EVI5L: variants seen among roughly 807,000 people sequenced by gnomAD.
The protein encoded by EVI5L is EVI5-like protein.
In EVI5L, 30 loss-of-function variants were observed where a neutral mutation model predicts 106.1. The ratio of observed to expected loss-of-function variants is 0.28; its 90% confidence interval spans 0.21 to 0.38. The LOEUF (loss-of-function observed/expected upper bound fraction) is 0.38, where lower values mean the gene tolerates loss of function less well. Ranked by LOEUF, EVI5L falls within the 10% of genes least tolerant of loss-of-function variation. The pLI, the probability that EVI5L is intolerant of heterozygous loss-of-function variation, is 1.00. For missense variants in EVI5L, 809 were observed against 1,098.0 expected, an observed-to-expected ratio of 0.74 and a Z score of 3.72; for synonymous variants, 489 against 483.3, an observed-to-expected ratio of 1.01 and a Z score of -0.15.
rs1226710581 is a variant in EVI5L, at chr19:7,864,247, T to C, written c.*545T>C. 1.3e-5 allele frequency: 2 copies of C among 152,652 alleles called. No homozygotes were observed. Among genetic ancestry groups the C allele is most frequent in the East Asian group, 3.9e-4 (2 of 5,172 alleles). The allele number at this position is 152,652 out of a possible 1,614,324, so 9.5% of individuals were successfully genotyped here. A position where few individuals can be genotyped will look rare whatever the true frequency, so the allele number is the denominator to read the frequency against. ...GGGGAGTCAGGCCGCTGGGGACAGA[T>C]GGCCAGGCCGGCCTCTCCTGCCTGG... On this transcript the variant is annotated 3_prime_UTR_variant, in exon 20 of 20. Coordinates refer to ENST00000538904, the MANE Select transcript of EVI5L (RefSeq NM_001159944.3). This position sits in a 1 kb window ranked among gnomAD's most constrained non-coding sequence, Gnocchi z 4.5.
rs1978929647 is a variant in EVI5L, at chr19:7,845,939, A to T, written c.-47-557A>T. Among the ~76,000 whole-genome samples, 1 of 152,216 alleles carries T rather than the reference A, an allele frequency of 6.6e-6. No homozygotes were observed. Among genetic ancestry groups the T allele is most frequent in the African/African-American group, 2.4e-5 (1 of 41,452 alleles). On this transcript the variant is annotated intron_variant, in intron 1 of 19. Coordinates refer to ENST00000538904, the MANE Select transcript of EVI5L (RefSeq NM_001159944.3). This position sits in a 1 kb window ranked among gnomAD's most constrained non-coding sequence, Gnocchi z 4.0. ...CCAAGGGGAGTCGACTCTTCTGGCC[A>T]TTGGCAGCGCCAGACAATTAACAGT...
chr19:7,843,138 A>G (rs2146418678), intron 1 of EVI5L, among the ~76,000 whole-genome samples: 1 of 119,320 alleles, frequency 8.4e-6, no homozygotes. Context: ...ATGTGTGTGT[A>G]TAGGTGTGTG....
rs11879626 is a variant in EVI5L, at chr19:7,845,153, C to A, written c.-47-1343C>A. On this transcript the variant is annotated intron_variant, in intron 1 of 19. Coordinates refer to ENST00000538904, the MANE Select transcript of EVI5L (RefSeq NM_001159944.3). The surrounding 1 kb of genome is among the most constrained non-coding windows in gnomAD (Gnocchi z 4.0). ...AGGTCAGGTGGGGTCAAGTGGCACA[C>A]GGCAGACTCCTGCTACAGAGCGTGC... Among the ~76,000 whole-genome samples, 10,786 of 152,170 alleles carry A rather than the reference C, an allele frequency of 0.071. 398 individuals are homozygous for A. The highest frequency in any genetic ancestry group is 0.12 in the Middle Eastern group (36 of 294).
Position 7,863,114 on chromosome 19 carries a change from C to T in EVI5L, c.2043+47C>T. The T allele has an allele frequency of 2.0e-6, 3 of 1,525,176 alleles. No homozygotes were observed. Among genetic ancestry groups the T allele is most frequent in the Non-Finnish European group, 2.6e-6 (3 of 1,136,794 alleles). The allele number at this position is 1,525,176 out of a possible 1,614,324, so 94.5% of individuals were successfully genotyped here. ...GGGGGGCGGGGGCGGGGGCAGGGCC[C>T]GGGGCAGGAGCGGGGCCGGACCCCA... On this transcript the variant is annotated intron_variant, in intron 18 of 19. Transcript: ENST00000538904. The surrounding 1 kb of genome is among the most constrained non-coding windows in gnomAD (Gnocchi z 7.7).
At chr19:7,839,862 C>G (rs900507452) in intron 1 of EVI5L, among the ~76,000 whole-genome samples, 3 of 152,176 alleles carry the variant, frequency 2.0e-5, no homozygotes, top group Non-Finnish European at 4.4e-5. Flanking sequence ...TCTCGCACCA[C>G]TGCACTCCAG....
chr19:7,849,319 C>A lies in EVI5L; in HGVS notation c.616C>A (p.Leu206Ile). The A allele has an allele frequency of 6.2e-7, 1 of 1,614,110 alleles. No homozygotes were observed. The highest frequency in any genetic ancestry group is 8.5e-7 in the Non-Finnish European group (1 of 1,180,032). ...CQGSAFIVGL[L>I]LMQMPEEEAF... is the part of the protein sequence containing the mutation. ...GGGAAGCGCCTTCATCGTGGGCCTGCTCCTCATGCAGGTAGGTGGCTGGGG... is the reference window on the plus strand; with the variant it reads ...GGGAAGCGCCTTCATCGTGGGCCTGATCCTCATGCAGGTAGGTGGCTGGGG... Residue 206 changes from leucine (L) to isoleucine (I), a missense_variant, in exon 5 of 20, where the codon CTC (leucine) becomes ATC (isoleucine). Physicochemically the swap from Leu to Ile is conservative, Grantham distance 5 (BLOSUM62 2). This residue lies in a region of EVI5L where 357 missense variants were observed against 588.1 expected (regional missense o/e 0.61). Transcript: ENST00000538904.
intron 14 of EVI5L, 146 bp from the exon 15 acceptor site, chr19:7,861,732 G>T: frequency 1.9e-6 from 2 of 1,076,628 alleles, no homozygotes; most frequent in East Asian, 2.6e-5. Flanking sequence ...TCCGCTCCCC[G>T]TGGGCCTTGT....
chr19:7,853,371 A>T (rs756078872), intron 10 of EVI5L, 38 bp downstream of exon 10: 3 of 1,588,820 alleles, frequency 1.9e-6, no homozygotes, highest in Non-Finnish European at 2.6e-6. Flanking sequence ...CAGGGATGGG[A>T]GGCCTTTGGG....
intron 1 of EVI5L, among the ~76,000 whole-genome samples, chr19:7,841,655 G>T (rs147698755): frequency 3.9e-5 from 6 of 152,314 alleles, no homozygotes; most frequent in Admixed American, 3.9e-4. Flanking sequence ...CCCTTCAGAT[G>T]GCTGAGGAGC....
In EVI5L at chr19:7,862,140, G is replaced by C. The variant is rs1979832272; in HGVS notation, c.1663G>C (p.Gly555Arg). ...CCCCCAGGCCCATCTGGCCCGCGGC[G>C]GCCGCTGGAAGGAGTCCCCACGGAA... ...DTWQAHLARG[G>R]RWKESPRKLV... The change falls in exon 16 of 20, where the codon GGC (glycine) becomes CGC (arginine). Residue 555 changes from glycine (G) to arginine (R), a missense_variant. Physicochemically the swap from Gly to Arg is moderately radical, Grantham distance 125. Coordinates refer to ENST00000538904, the MANE Select transcript of EVI5L (RefSeq NM_001159944.3). 2 of 1,571,534 alleles carry C rather than the reference G, an allele frequency of 1.3e-6. No individual in the cohort carries two copies. The highest frequency in any genetic ancestry group is 1.9e-5 in the Admixed American group (1 of 53,280).
chr19:7,849,977 C>G lies in EVI5L; in HGVS notation c.628-20C>G, dbSNP rs924785000. On this transcript the variant is annotated intron_variant, in intron 5 of 19. Coordinates refer to ENST00000538904, the MANE Select transcript of EVI5L (RefSeq NM_001159944.3). The stretch of plus-strand genomic sequence containing the variant: ...CCCGCTGCGCTGCCCTGAGCCCCCC[C>G]ACCTGCCCGTCCCCCCTAGATGCCT... 6.4e-6 allele frequency: 10 copies of G among 1,573,314 alleles called. No homozygotes were observed. Among genetic ancestry groups the G allele is most frequent in the South Asian group, 1.2e-5 (1 of 85,930 alleles).
chr19:7,837,651 C>T (rs780372386), intron 1 of EVI5L, among the ~76,000 whole-genome samples: 1 of 152,122 alleles, frequency 6.6e-6, no homozygotes, highest in African/African-American at 2.4e-5. Flanking sequence ...CTCAGACTTT[C>T]CTTGCTTTTC....
intron 1 of EVI5L, among the ~76,000 whole-genome samples, chr19:7,843,288 CAT>C (rs901108914): frequency 2.3e-5 from 2 of 85,784 alleles, no homozygotes; most frequent in East Asian, 3.8e-4. Context: ...GTGTGTGTGT[CAT>C]GTGTGCATGT....
rs1345441781 is a variant in EVI5L at position 7,863,238 on chromosome 19, C to T, written c.2097C>T (p.Tyr699=). The T allele has an allele frequency of 1.8e-5, 28 of 1,562,520 alleles. No individual in the cohort carries two copies. Among genetic ancestry groups the T allele is most frequent in the Non-Finnish European group, 2.3e-5 (27 of 1,153,640 alleles). The change falls in exon 19 of 20, where the codon TAC becomes TAT. Residue 699 remains tyrosine, a synonymous_variant. Transcript: ENST00000538904. The surrounding 1 kb of genome is among the most constrained non-coding windows in gnomAD (Gnocchi z 7.7). ...GQLNHSDSSQ[Y]IRELKDQIEE... ...TGAACCACTCGGACTCATCGCAGTA[C>T]ATCCGCGAGCTCAAGGACCAGATCG...
chr19:7,844,225 C>T (rs533267300), intron 1 of EVI5L, among the ~76,000 whole-genome samples: 220 of 151,324 alleles, frequency 1.5e-3, no homozygotes, highest in Non-Finnish European at 2.6e-3. Context: ...GTGGCACGCA[C>T]CTGTAATCAA....
chr19:7,844,347 A>AG (rs60944183), intron 1 of EVI5L, among the ~76,000 whole-genome samples: 160 of 140,894 alleles, frequency 1.1e-3, no homozygotes, highest in Non-Finnish European at 1.8e-3. Flanking sequence ...AAAAAAAAAA[A>AG]AAAGAAAGAA....
Position 7,863,749 on chromosome 19 carries a change from G to T in EVI5L, c.*47G>T, listed in dbSNP as rs1979980046. The T allele has an allele frequency of 1.4e-6, 2 of 1,425,280 alleles. No homozygotes were observed. Among genetic ancestry groups the T allele is most frequent in the Non-Finnish European group, 9.1e-7 (1 of 1,095,982 alleles). The allele number at this position is 1,425,280 out of a possible 1,614,324, so 88.3% of individuals were successfully genotyped here. A position where few individuals can be genotyped will look rare whatever the true frequency, so the allele number is the denominator to read the frequency against. ...AGTCAGGAGGCCGCAGCCGCGGGGG[G>T]CGCCCGGGCAGTCCGCGTTCTGCTC... On this transcript the variant is annotated 3_prime_UTR_variant, in exon 20 of 20. Transcript: ENST00000538904. This position sits in a 1 kb window ranked among gnomAD's most constrained non-coding sequence, Gnocchi z 7.7.
At chr19:7,841,915 C>G (rs1178629600) in intron 1 of EVI5L, among the ~76,000 whole-genome samples, 1 of 152,194 alleles carries the variant, frequency 6.6e-6, no homozygotes, top group Non-Finnish European at 1.5e-5. Flanking sequence ...TGCAGGGTCG[C>G]CCACAGAATC....
At position 7,862,116 on chromosome 19, in the gene EVI5L, C is replaced by T; in HGVS notation, c.1645-6C>T. 1.3e-6 allele frequency: 2 copies of T among 1,563,982 alleles called. No individual in the cohort carries two copies. The highest frequency in any genetic ancestry group is 2.3e-5 in the East Asian group (1 of 42,920). On this transcript the variant is annotated splice_polypyrimidine_tract_variant and splice_region_variant and intron_variant, in intron 15 of 19. Transcript: ENST00000538904. Reference sequence around the variant, plus strand: ...TGACCGCCGGCTTCTCGGCTTCACCCCCCAGGCCCATCTGGCCCGCGGCGG... The same window carrying T: ...TGACCGCCGGCTTCTCGGCTTCACCTCCCAGGCCCATCTGGCCCGCGGCGG...
Sources: allele counts gnomAD v4.1 joint callset (sites outside exome capture counted in the v4.1 genomes callset), GRCh38; gene constraint gnomAD v4.1.1; regional missense constraint gnomAD v4.1.1; non-coding constraint Gnocchi (gnomAD v3.1); transcripts MANE v1.5; gene names NCBI Gene and HGNC (gene_info 2026-07-23, HGNC 2026-07-21).